Variants in PTCH1 observed in about 807,000 individuals in gnomAD.
PTCH1 encodes the protein patched 1, also known as protein patched homolog 1.
PTCH1 carries 14 observed loss-of-function variants against 144.6 expected under a neutral mutation model. The observed-to-expected ratio is 0.10, with a 90% confidence interval of 0.06 to 0.15. The LOEUF (loss-of-function observed/expected upper bound fraction) is 0.15. Ranked by LOEUF, PTCH1 falls within the 10% of genes least tolerant of loss-of-function variation. The probability of loss-of-function intolerance (pLI) is 1.00; values close to 1 mark genes in which losing one functional copy is unlikely to be tolerated. For missense variants in PTCH1, 1,623 were observed against 1,948.3 expected, an observed-to-expected ratio of 0.83 and a Z score of 3.14; for synonymous variants, 833 against 793.6, an observed-to-expected ratio of 1.05 and a Z score of -0.83.
In PTCH1 at chr9:95,449,157, C is replaced by T. The variant is rs758728491; in HGVS notation, c.3716G>A (p.Arg1239Gln). 5.0e-5 allele frequency: 80 copies of T among 1,613,502 alleles called. No homozygotes were observed. Among genetic ancestry groups the T allele is most frequent in the African/African-American group, 2.0e-4 (15 of 74,942 alleles). ...CGCGCCCTGCTGGGCCTCGTAGTGCCGAAGCTCCTCGCTGAGGCCTGACAC... is the reference window on the plus strand; with the variant it reads ...CGCGCCCTGCTGGGCCTCGTAGTGCTGAAGCTCCTCGCTGAGGCCTGACAC... ...TTVSGLSEEL[R>Q]HYEAQQGAGG... The change falls in exon 22 of 24, where the codon CGG becomes CAG. Residue 1239 changes from arginine (R) to glutamine (Q), a missense_variant. Transcript: ENST00000331920. This position sits in a 1 kb window ranked among gnomAD's most constrained non-coding sequence, Gnocchi z 5.3.
At position 95,447,139 on chromosome 9, in the gene PTCH1, C is replaced by T. The variant is rs1267726258; in HGVS notation, c.4117G>A (p.Ala1373Thr). ...ACGGCGACAGTCACGGAGGCAGAAG[C>T]CGTCACAGTGGTGATGGGCTGGCAG... ...GYCQPITTVT[A>T]SASVTVAVHP... Residue 1373 changes from alanine (A) to threonine (T), a missense_variant, in exon 23 of 24, where the codon GCT (alanine) becomes ACT (threonine). Around this residue, in one of 7 missense-constraint regions of PTCH1, gnomAD observed 291 missense variants for 287.4 expected, o/e 1.01. Coordinates refer to ENST00000331920, the MANE Select transcript of PTCH1 (RefSeq NM_000264.5). The T allele has an allele frequency of 1.2e-6, 2 of 1,613,336 alleles. No individual in the cohort carries two copies. Among genetic ancestry groups the T allele is most frequent in the African/African-American group, 1.3e-5 (1 of 75,052 alleles).
At chr9:95,484,346 T>C (rs1186151548) in intron 3 of PTCH1, 1 of 152,172 alleles carries the variant, frequency 6.6e-6, no homozygotes, top group Admixed American at 6.5e-5. Context: ...ATGTATCTGG[T>C]CTTGTTCTGG....
intron 20 of PTCH1, chr9:95,451,373 G>C (rs1368540104): frequency 6.6e-6 from 1 of 152,194 alleles, no homozygotes; most frequent in East Asian, 1.9e-4. Context: ...GCCTTTATCA[G>C]GTTAATCCAT....
chr9:95,457,522 A>C (rs1471447084), intron 18 of PTCH1, among the ~76,000 whole-genome samples: 1 of 152,180 alleles, frequency 6.6e-6, no homozygotes, highest in Non-Finnish European at 1.5e-5. Context: ...AGGGATGCCA[A>C]AAAACAGGTT....
intron 15 of PTCH1, among the ~76,000 whole-genome samples, chr9:95,465,753 T>C (rs896085950): frequency 2.0e-5 from 3 of 152,210 alleles, no homozygotes; most frequent in African/African-American, 7.2e-5. Flanking sequence ...CAAGCCTAAT[T>C]AAGTGGGAAA....
intron 1 of PTCH1, 184 bp downstream of exon 1, chr9:95,507,977 C>A: frequency 6.7e-7 from 1 of 1,494,232 alleles, no homozygotes; most frequent in Non-Finnish European, 8.9e-7. Flanking sequence ...CTCCCAGGAC[C>A]AGAGGGAGGG....
At chr9:95,482,108 T>G in intron 4 of PTCH1, 26 bp downstream of exon 4, 1 of 1,613,340 alleles carries the variant, frequency 6.2e-7, no homozygotes, top group South Asian at 1.1e-5. Flanking sequence ...TCCTGAGAAA[T>G]TTTTGCCAAC....
chr9:95,506,768 T>TG lies in PTCH1; in HGVS notation c.202-170dup, dbSNP rs938050130. On this transcript the variant is annotated intron_variant, in intron 1 of 23. Transcript: ENST00000331920. ...GCAGCCCCGGCGGATCTGAGCGTCA[T>TG]GGGGGGCTCGGTCATAAAGCCGGGC... The TG allele has an allele frequency of 8.3e-5, 88 of 1,054,722 alleles. No homozygotes were observed. The South Asian group carries it at 1.4e-3, about 17-fold the overall frequency. 65.3% of individuals were successfully genotyped at this position (1,054,722 alleles called of 1,614,324 possible). A position where few individuals can be genotyped will look rare whatever the true frequency, so the allele number is the denominator to read the frequency against.
In PTCH1 at chr9:95,461,309, G is replaced by A. The variant is rs549754201; in HGVS notation, c.2703+547C>T. ...TCTGATTCCAAGGGTGCACATTTCC[G>A]TTTGCTTCACTCATCACAGAGCGAT... On this transcript the variant is annotated intron_variant, in intron 16 of 23. Coordinates refer to ENST00000331920, the MANE Select transcript of PTCH1 (RefSeq NM_000264.5). Among the ~76,000 whole-genome samples the A allele has an allele frequency of 1.4e-4, 21 of 152,220 alleles. 1 individual carries two copies. The highest frequency in any genetic ancestry group is 6.2e-4 in the South Asian group (3 of 4,812).
chr9:95,490,853 G>A (rs1413434242), intron 2 of PTCH1, among the ~76,000 whole-genome samples: 1 of 152,116 alleles, frequency 6.6e-6, no homozygotes, highest in Non-Finnish European at 1.5e-5. Context: ...TTTCAAAATA[G>A]CTAGAAGAGA....
At position 95,447,076 on chromosome 9, in the gene PTCH1, G is replaced by A. The variant is rs1297685477; in HGVS notation, c.4180C>T (p.Arg1394Ter). 6 of 1,613,884 alleles carry A rather than the reference G, an allele frequency of 3.7e-6. No homozygotes were observed. Among genetic ancestry groups the A allele is most frequent in the Non-Finnish European group, 5.1e-6 (6 of 1,180,028 alleles). Residue 1394 changes from arginine to a stop codon, truncating the protein, a stop_gained, in exon 23 of 24, where the codon CGA becomes TGA. Transcript: ENST00000331920. LOFTEE classifies it high-confidence loss of function. ...PPVPGPGRNP[R>*]GGLCPGYPET... ...GGGTAGCCTGGGCAGAGTCCCCCTC[G>A]GGGGTTCCGCCCAGGCCCAGGGACA...
intron 13 of PTCH1, among the ~76,000 whole-genome samples, chr9:95,469,433 A>C (rs1189521973): frequency 6.6e-6 from 1 of 152,218 alleles, no homozygotes; most frequent in East Asian, 1.9e-4. Context: ...AATCCTTCAA[A>C]GCACAATTCC....
Position 95,477,718 on chromosome 9 carries a change from T to C in PTCH1, c.1348-16A>G, listed in dbSNP as rs749866105. ...CATAGGCGAGCTGCAAGCAGAACAA[T>C]GGGGGCACAGAACAAAAGCCGAACA... On this transcript the variant is annotated splice_polypyrimidine_tract_variant and intron_variant, in intron 9 of 23. Transcript: ENST00000331920. 6 of 1,613,810 alleles carry C rather than the reference T, an allele frequency of 3.7e-6. No individual in the cohort carries two copies. Among genetic ancestry groups the C allele is most frequent in the South Asian group, 1.1e-5 (1 of 91,058 alleles).
At chr9:95,475,246 A>G (rs1034718778) in intron 12 of PTCH1, among the ~76,000 whole-genome samples, 1 of 152,128 alleles carries the variant, frequency 6.6e-6, no homozygotes, top group Admixed American at 6.5e-5. Flanking sequence ...CTTACAATTC[A>G]CAGAAGCTGA....
chr9:95,506,827 G>A, intron 1 of PTCH1: 2 of 1,164,218 alleles, frequency 1.7e-6, no homozygotes, highest in Non-Finnish European at 2.1e-6. Context: ...GGGACATCAG[G>A]GCGCCCCCAC....
intron 20 of PTCH1, chr9:95,452,059 T>TA (rs1208377692): frequency 6.6e-6 from 1 of 152,212 alleles, no homozygotes; most frequent in African/African-American, 2.4e-5. Context: ...GCCCTGCACT[T>TA]AGACCCTCAG....
At chr9:95,466,993 A>C (rs1262127560) in intron 15 of PTCH1, 123 bp downstream of exon 15, 2 of 1,114,468 alleles carry the variant, frequency 1.8e-6, no homozygotes, top group African/African-American at 1.6e-5. Flanking sequence ...GCAACTCTTA[A>C]AAGTCCATGA....
At chr9:95,497,494 CCAGGCTTG>C (rs1189627609) in intron 2 of PTCH1, among the ~76,000 whole-genome samples, 1 of 152,200 alleles carries the variant, frequency 6.6e-6, no homozygotes, top group African/African-American at 2.4e-5. Context: ...ATCAGCTTTT[CCAGGCTTG>C]GAAGGTGCAC....
chr9:95,479,251 T>A (rs543194194), intron 7 of PTCH1, 104 bp from the exon 8 acceptor site: 4 of 1,437,342 alleles, frequency 2.8e-6, no homozygotes, highest in Non-Finnish European at 3.9e-6. Flanking sequence ...GCTGCAATTC[T>A]TTTCCTTCTC....
Sources: allele counts gnomAD v4.1 joint callset (sites outside exome capture counted in the v4.1 genomes callset), GRCh38; gene constraint gnomAD v4.1.1; regional missense constraint gnomAD v4.1.1; non-coding constraint Gnocchi (gnomAD v3.1); transcripts MANE v1.5; gene names NCBI Gene and HGNC (gene_info 2026-07-23, HGNC 2026-07-21).